Variants in CPSF3 observed in about 807,000 individuals in gnomAD.
CPSF3 encodes cleavage and polyadenylation specific factor 3.
Under a neutral mutation model 84.1 loss-of-function variants are expected in CPSF3, and 57 were observed. That is an observed-to-expected ratio of 0.68 (90% CI 0.55 to 0.85). The LOEUF (loss-of-function observed/expected upper bound fraction) is 0.85, where lower values mean the gene tolerates loss of function less well. Ranked by LOEUF, CPSF3 falls within the 40% of genes least tolerant of loss-of-function variation. CPSF3 has a pLI of 0.00. For synonymous variants in CPSF3, 275 were observed against 278.1 expected (o/e 0.99, Z 0.11); for missense variants, 522 against 838.8 (o/e 0.62, Z 4.66).
chr2:9,453,839 T>C (rs7604080), intron 12 of CPSF3, among the ~76,000 whole-genome samples: 72,690 of 151,680 alleles, frequency 0.48, 18,807 homozygotes, highest in Middle Eastern at 0.66. Context: ...TGCAGTGAGC[T>C]GAGATAATGC....
chr2:9,432,756 A>G, intron 5 of CPSF3, 68 bp downstream of exon 5: 4 of 1,253,780 alleles, frequency 3.2e-6, no homozygotes, highest in Non-Finnish European at 4.2e-6. Context: ...ACCAAGTACT[A>G]TTAAAAAAAA....
At chr2:9,449,296 G>A (rs1187463372) in intron 11 of CPSF3, among the ~76,000 whole-genome samples, 1 of 151,996 alleles carries the variant, frequency 6.6e-6, no homozygotes, top group African/African-American at 2.4e-5. Context: ...AGGTTGAGGC[G>A]GGAGAATCCC....
intron 13 of CPSF3, 79 bp downstream of exon 13, chr2:9,455,836 C>T: frequency 1.0e-6 from 1 of 1,003,740 alleles, no homozygotes; most frequent in Non-Finnish European, 1.5e-6. Context: ...AAGAATGTTA[C>T]TTAATTTTGA....
intron 10 of CPSF3, 92 bp downstream of exon 10, chr2:9,443,753 T>C: frequency 7.2e-7 from 1 of 1,388,226 alleles, no homozygotes; most frequent in Non-Finnish European, 1.0e-6. Context: ...GCAGGCATCA[T>C]CACCTACTAA....
At chr2:9,436,146 T>C (rs1480852101) in intron 6 of CPSF3, 65 bp from the exon 7 acceptor site, 2 of 1,361,222 alleles carry the variant, frequency 1.5e-6, no homozygotes, top group Non-Finnish European at 2.0e-6. Context: ...ATTTCATTGA[T>C]GTTTAACTTT....
intron 16 of CPSF3, among the ~76,000 whole-genome samples, chr2:9,469,558 A>C (rs1388805036): frequency 6.6e-6 from 1 of 152,142 alleles, no homozygotes; most frequent in East Asian, 1.9e-4. Context: ...TGGGGAGGGC[A>C]GTCTGCGGGA....
chr2:9,466,299 T>C (rs35882907), intron 15 of CPSF3, among the ~76,000 whole-genome samples: 77,956 of 140,400 alleles, frequency 0.56, 20,943 homozygotes, highest in Middle Eastern at 0.68. Flanking sequence ...CACAGACGCA[T>C]GCACACGCAC....
Position 9,430,817 on chromosome 2 carries a change from C to CA in CPSF3, c.279dup (p.Phe94IlefsTer11). On this transcript the variant is annotated frameshift_variant, in exon 4 of 18. Transcript: ENST00000238112. LOFTEE classifies it high-confidence loss of function. ...CAGAAGACAAGTTTCAAAGGAAGAA[C>CA]ATTTATGACTCATGCCACAAAAGCT... 1 of 1,612,934 alleles carries CA rather than the reference C, an allele frequency of 6.2e-7. No homozygotes were observed.
chr2:9,471,213 C>CAAA, intron 16 of CPSF3, 130 bp from the exon 17 acceptor site: 4 of 437,332 alleles, frequency 9.1e-6, no homozygotes, highest in East Asian at 4.4e-5. Flanking sequence ...GACTCCATCT[C>CAAA]AAAAAAAAAA....
At chr2:9,456,819 C>G in intron 13 of CPSF3, 114 bp from the exon 14 acceptor site, 1 of 578,338 alleles carries the variant, frequency 1.7e-6, no homozygotes, top group East Asian at 3.0e-5. Flanking sequence ...AAATGAGTTA[C>G]TAACTTTTTA....
Position 9,448,184 on chromosome 2 carries a change from T to C in CPSF3, c.1243-14T>C, listed in dbSNP as rs1681188922. The C allele has an allele frequency of 2.0e-6, 3 of 1,531,624 alleles. No homozygotes were observed. Among genetic ancestry groups the C allele is most frequent in the Non-Finnish European group, 2.7e-6 (3 of 1,119,844 alleles). The allele number at this position is 1,531,624 out of a possible 1,614,324, so 94.9% of individuals were successfully genotyped here. A position where few individuals can be genotyped will look rare whatever the true frequency, so the allele number is the denominator to read the frequency against. On this transcript the variant is annotated splice_polypyrimidine_tract_variant and intron_variant, in intron 10 of 17. Transcript: ENST00000238112. Reference sequence around the variant, plus strand: ...GATGTTTCCATATATTCTTTTAACATTTATTCTATGTAGATTTTAGTCCAT... The same window carrying C: ...GATGTTTCCATATATTCTTTTAACACTTATTCTATGTAGATTTTAGTCCAT...
intron 8 of CPSF3, among the ~76,000 whole-genome samples, chr2:9,441,170 T>C (rs979216300): frequency 6.6e-6 from 1 of 152,236 alleles, no homozygotes; most frequent in Admixed American, 6.5e-5. Flanking sequence ...ATTCTATATA[T>C]GAAAATTTTT....
chr2:9,426,812 C>T (rs898424801), intron 1 of CPSF3, among the ~76,000 whole-genome samples: 3 of 144,674 alleles, frequency 2.1e-5, no homozygotes, highest in African/African-American at 5.2e-5. Flanking sequence ...GAGGCTGAGG[C>T]GGGAGGATCA....
At chr2:9,445,532 C>A (rs1329938451) in intron 10 of CPSF3, among the ~76,000 whole-genome samples, 2 of 152,104 alleles carry the variant, frequency 1.3e-5, no homozygotes, top group Non-Finnish European at 1.5e-5. Flanking sequence ...TGCCACTGGC[C>A]CTTAATGAGC....
intron 15 of CPSF3, among the ~76,000 whole-genome samples, chr2:9,466,376 G>T (rs1010247394): frequency 4.1e-5 from 5 of 122,562 alleles, no homozygotes; most frequent in African/African-American, 1.4e-4. Context: ...ACACACCCAC[G>T]CACTCGCACA....
At chr2:9,459,441 A>G in intron 14 of CPSF3, 90 bp from the exon 15 acceptor site, 1 of 787,932 alleles carries the variant, frequency 1.3e-6, no homozygotes, top group Non-Finnish European at 2.3e-6. Context: ...TTCCATATGT[A>G]CAGTCCATGG....
At chr2:9,471,812 G>A (rs1210946273) in intron 17 of CPSF3, among the ~76,000 whole-genome samples, 3 of 151,276 alleles carry the variant, frequency 2.0e-5, no homozygotes, top group Non-Finnish European at 4.4e-5. Flanking sequence ...AACCAGCCCG[G>A]GCAACACAGT....
At position 9,445,701 on chromosome 2, in the gene CPSF3, T is replaced by C. The variant is rs74330939; in HGVS notation, c.1242+2040T>C. Among the ~76,000 whole-genome samples the C allele has an allele frequency of 8.4e-3, 1,279 of 152,302 alleles. 19 individuals carry two copies. Among genetic ancestry groups the C allele is most frequent in the African/African-American group, 0.029 (1,201 of 41,574 alleles). On this transcript the variant is annotated intron_variant, in intron 10 of 17. Coordinates refer to ENST00000238112, the MANE Select transcript of CPSF3 (RefSeq NM_016207.4). ...GGGAGGAAAAGCCGAATTGCTCTTT[T>C]GTGTGGTGTCACCACCTCATCCTCA...
At chr2:9,429,783 A>G (rs1680514223) in intron 2 of CPSF3, 140 bp from the exon 3 acceptor site, 6 of 576,680 alleles carry the variant, frequency 1.0e-5, no homozygotes, top group Non-Finnish European at 1.5e-5. Context: ...GCCACATTTA[A>G]TAAGAATCAT....
Sources: gnomAD v4.1 joint callset for allele counts (sites outside exome capture counted in the v4.1 genomes callset) on GRCh38, gnomAD v4.1.1 for gene constraint, MANE v1.5 for transcripts, NCBI Gene and HGNC (gene_info 2026-07-23, HGNC 2026-07-21) for gene names.